The following STPG2 variants were observed in gnomAD, a reference collection of about 807,000 sequenced individuals.
STPG2 encodes the protein sperm-tail PG-rich repeat-containing protein 2.
STPG2 carries 56 observed loss-of-function variants against 54.2 expected under a neutral mutation model. That is an observed-to-expected ratio of 1.03 (90% CI 0.83 to 1.29). The LOEUF (loss-of-function observed/expected upper bound fraction) is 1.29, where lower values mean the gene tolerates loss of function less well. Ranked by LOEUF, STPG2 falls within the 50% of genes most tolerant of loss-of-function variation. The pLI is 0.00. For missense variants in STPG2, 596 were observed against 544.9 expected, an observed-to-expected ratio of 1.09 and a Z score of -0.93; for synonymous variants, 200 against 181.8, an observed-to-expected ratio of 1.10 and a Z score of -0.81.
intron 3 of STPG2, among the ~76,000 whole-genome samples, chr4:98,123,282 G>A (rs1739736119): frequency 6.6e-6 from 1 of 152,068 alleles, no homozygotes. Context: ...TGTAATGTTA[G>A]AGTGTAGATT....
At chr4:97,724,066 A>G (rs1267807200) in intron 9 of STPG2, among the ~76,000 whole-genome samples, 1 of 152,198 alleles carries the variant, frequency 6.6e-6, no homozygotes, top group Non-Finnish European at 1.5e-5. Flanking sequence ...AATTGTCTTC[A>G]CATATACATT....
In STPG2 at chr4:97,654,938, T is replaced by A. The variant is rs1010936956; in HGVS notation, c.1320+57761A>T. Among the ~76,000 whole-genome samples the A allele has an allele frequency of 1.1e-4, 17 of 152,038 alleles. 1 individual carries two copies. The highest frequency in any genetic ancestry group is 1.1e-3 in the Admixed American group (17 of 15,236). Reference sequence around the variant, plus strand: ...TGATTTATCATTGTCACCAGAACAGTTTAACAAACAGCATATTCAGTATGA... The same window carrying A: ...TGATTTATCATTGTCACCAGAACAGATTAACAAACAGCATATTCAGTATGA... On this transcript the variant is annotated intron_variant, in intron 10 of 10. Transcript: ENST00000295268.
chr4:97,889,845 AT>A (rs1475687316), intron 8 of STPG2, among the ~76,000 whole-genome samples: 3 of 152,170 alleles, frequency 2.0e-5, no homozygotes, highest in Non-Finnish European at 4.4e-5. Flanking sequence ...TACGAAAATG[AT>A]AATAATGTGA....
chr4:98,115,312 T>C (rs1739485978), intron 3 of STPG2, among the ~76,000 whole-genome samples: 2 of 151,972 alleles, frequency 1.3e-5, no homozygotes, highest in Non-Finnish European at 2.9e-5. Flanking sequence ...TTAGCAAATA[T>C]GTCAGTATCA....
chr4:97,860,727 AT>A (rs1729502579), intron 8 of STPG2, among the ~76,000 whole-genome samples: 2 of 152,178 alleles, frequency 1.3e-5, no homozygotes, highest in South Asian at 4.1e-4. Flanking sequence ...CAGCAAACAG[AT>A]AGTTTAACCT....
intron 10 of STPG2, among the ~76,000 whole-genome samples, chr4:97,565,896 C>T (rs1487662645): frequency 1.3e-5 from 2 of 152,190 alleles, no homozygotes; most frequent in African/African-American, 4.8e-5. Context: ...CAGGGACCCA[C>T]TTGAGGAGGC....
chr4:97,739,756 T>A (rs962281613), intron 9 of STPG2, among the ~76,000 whole-genome samples: 8 of 152,266 alleles, frequency 5.3e-5, no homozygotes, highest in Non-Finnish European at 8.8e-5. Flanking sequence ...CAGGACCAGA[T>A]GGATTCACAG....
chr4:97,659,611 G>A (rs969032905), intron 10 of STPG2, among the ~76,000 whole-genome samples: 1 of 152,154 alleles, frequency 6.6e-6, no homozygotes, highest in Non-Finnish European at 1.5e-5. Context: ...AGCTTTACCT[G>A]TGCAATAAGG....
intron 10 of STPG2, among the ~76,000 whole-genome samples, chr4:97,603,061 A>G (rs1733504697): frequency 6.6e-6 from 1 of 151,814 alleles, no homozygotes; most frequent in Admixed American, 6.6e-5. Context: ...TTTGCAAATA[A>G]TATATCTGAT....
intron 10 of STPG2, among the ~76,000 whole-genome samples, chr4:97,678,897 T>G (rs1354308061): frequency 6.6e-6 from 1 of 152,032 alleles, no homozygotes; most frequent in African/African-American, 2.4e-5. Flanking sequence ...GTTCTTGCGA[T>G]AGTTTACTGA....
intron 8 of STPG2, among the ~76,000 whole-genome samples, chr4:97,894,364 C>A (rs574081326): frequency 6.6e-6 from 1 of 151,870 alleles, no homozygotes; most frequent in East Asian, 1.9e-4. Context: ...CAATGTAGTA[C>A]AATTTCCCAT....
chr4:97,870,577 A>C (rs1355214386), intron 8 of STPG2, among the ~76,000 whole-genome samples: 1 of 151,442 alleles, frequency 6.6e-6, no homozygotes, highest in African/African-American at 2.4e-5. Context: ...TATTAATTGT[A>C]ATGAAGAACA....
intron 9 of STPG2, among the ~76,000 whole-genome samples, chr4:97,754,618 ATGT>A (rs1725675534): frequency 6.6e-6 from 1 of 152,080 alleles, no homozygotes; most frequent in African/African-American, 2.4e-5. Flanking sequence ...TGAACTCCAA[ATGT>A]TGTTAGTCAA....
At chr4:97,459,368 C>A (rs1729602078) in intron 4 of STPG2, among the ~76,000 whole-genome samples, 1 of 151,690 alleles carries the variant, frequency 6.6e-6, no homozygotes. Flanking sequence ...GGTTACAATT[C>A]ATCTTCCCTA....
At chr4:98,049,425 G>C (rs1032405278) in intron 5 of STPG2, among the ~76,000 whole-genome samples, 4 of 152,168 alleles carry the variant, frequency 2.6e-5, no homozygotes, top group Non-Finnish European at 5.9e-5. Flanking sequence ...ATCAAAGATT[G>C]CTTGGTTTAT....
chr4:98,112,543 A>G (rs1267667116), intron 3 of STPG2, among the ~76,000 whole-genome samples: 1 of 152,168 alleles, frequency 6.6e-6, no homozygotes, highest in African/African-American at 2.4e-5. Context: ...ATCCTAATAC[A>G]AAGACTAACA....
At chr4:97,785,454 A>G (rs1726795208) in intron 9 of STPG2, among the ~76,000 whole-genome samples, 1 of 152,110 alleles carries the variant, frequency 6.6e-6, no homozygotes, top group Middle Eastern at 3.2e-3. Flanking sequence ...AGTTTCCCCA[A>G]GCATCTTCTA....
downstream of STPG2, among the ~76,000 whole-genome samples, chr4:97,556,834 T>C (rs1732088398): frequency 2.6e-5 from 4 of 152,142 alleles, no homozygotes; most frequent in African/African-American, 7.2e-5. Flanking sequence ...AGTTACTAAA[T>C]AAGAGGACCA....
chr4:97,792,922 C>T (rs530757994), intron 9 of STPG2, among the ~76,000 whole-genome samples: 101 of 152,192 alleles, frequency 6.6e-4, no homozygotes, highest in African/African-American at 2.3e-3. Context: ...TAGGCCCAGG[C>T]TGGCAGATTG....
Sources: gnomAD v4.1 joint callset for allele counts (sites outside exome capture counted in the v4.1 genomes callset) on GRCh38, gnomAD v4.1.1 for gene constraint, MANE v1.5 for transcripts, NCBI Gene and HGNC (gene_info 2026-07-23, HGNC 2026-07-21) for gene names.